The following NFU1 variants were observed in gnomAD, a reference collection of about 807,000 sequenced individuals.
The protein encoded by NFU1 is NFU1 iron-sulfur cluster scaffold.
In NFU1, 30 loss-of-function variants were observed where a neutral mutation model predicts 32.2. That is an observed-to-expected ratio of 0.93 (90% CI 0.70 to 1.26). NFU1 has a LOEUF of 1.26. NFU1 is among the 50% of genes most tolerant of loss of function. NFU1 has a pLI of 0.00. For synonymous variants in NFU1, 112 were observed against 104.6 expected, an observed-to-expected ratio of 1.07 and a Z score of -0.43; for missense variants, 306 against 306.6, an observed-to-expected ratio of 1.00 and a Z score of 0.02.
chr2:69,427,419 C>T lies in NFU1; in HGVS notation c.167-3702G>A, dbSNP rs759851786. On this transcript the variant is annotated intron_variant, in intron 2 of 7. Transcript: ENST00000410022. ...ATAGAAGGCCAGGCATGGTGGCTCACGCCTGTAATCTCAGCACTTTGGGAG... is the reference window on the plus strand; with the variant it reads ...ATAGAAGGCCAGGCATGGTGGCTCATGCCTGTAATCTCAGCACTTTGGGAG... Among the ~76,000 whole-genome samples, 5 of 151,546 alleles carry T rather than the reference C, an allele frequency of 3.3e-5. No individual in the cohort carries two copies. In the East Asian group the frequency reaches 5.8e-4, roughly 18 times the overall value.
At chr2:69,416,336 T>A (rs962079466) in intron 4 of NFU1, 1 of 146,448 alleles carries the variant, frequency 6.8e-6, no homozygotes, top group East Asian at 1.9e-4. Flanking sequence ...AATTAATATT[T>A]AATTAATTTA....
chr2:69,426,461 T>C (rs1419392088), intron 2 of NFU1, among the ~76,000 whole-genome samples: 1 of 151,880 alleles, frequency 6.6e-6, no homozygotes, highest in African/African-American at 2.4e-5. Flanking sequence ...AATTTTTGTA[T>C]TTTTAGTAGA....
Position 69,400,445 on chromosome 2 carries a change from G to A in NFU1, c.639C>T (p.Cys213=). The part of the protein sequence containing the change: ...QLKLQGSCTS[C]PSSIITLKNG... ...TTTTCAGAGTAATGATTGAACTAGG[G>A]CAGCTGGTACAAGAACCCTGGAGTT... Residue 213 remains cysteine (C), a synonymous_variant, in exon 7 of 8, where the codon TGC becomes TGT. Transcript: ENST00000410022. 1 of 1,613,976 alleles carries A rather than the reference G, an allele frequency of 6.2e-7. No individual in the cohort carries two copies. The highest frequency in any genetic ancestry group is 8.5e-7 in the Non-Finnish European group (1 of 1,179,910).
At chr2:69,413,824 G>A (rs190802754) in intron 5 of NFU1, among the ~76,000 whole-genome samples, 21 of 151,554 alleles carry the variant, frequency 1.4e-4, no homozygotes, top group Admixed American at 1.1e-3. Flanking sequence ...CGAGGCAGGC[G>A]AATCATGAGG....
chr2:69,414,694 G>A (rs746059811), intron 5 of NFU1, among the ~76,000 whole-genome samples: 3 of 148,598 alleles, frequency 2.0e-5, no homozygotes, highest in Non-Finnish European at 3.0e-5. Flanking sequence ...TCCCTGCAGA[G>A]ACTTACATGT....
At position 69,408,769 on chromosome 2, in the gene NFU1, T is replaced by TATATATAC. The variant is rs1219902624; in HGVS notation, c.485-2688_485-2687insGTATATAT. 7.5e-3 allele frequency among the ~76,000 whole-genome samples: 993 copies of TATATATAC among 133,278 alleles called. 7 individuals carry two copies. Among genetic ancestry groups the TATATATAC allele is most frequent in the Non-Finnish European group, 0.014 (847 of 62,120 alleles). 87.4% of individuals were successfully genotyped at this position (133,278 alleles called of 152,430 possible). On this transcript the variant is annotated intron_variant, in intron 5 of 7. Coordinates refer to ENST00000410022, the MANE Select transcript of NFU1 (RefSeq NM_001002755.4). ...ATATATATATATATATATATATATA[T>TATATATAC]ACACACACACATACATACATCAATG...
chr2:69,438,986 C>A (rs1673957262), upstream of NFU1, among the ~76,000 whole-genome samples: 3 of 150,690 alleles, frequency 2.0e-5, no homozygotes, highest in Admixed American at 2.0e-4. Context: ...TAAAATGTGG[C>A]TCTTCCACCT....
At chr2:69,435,294 C>T (rs1020810592) in intron 1 of NFU1, among the ~76,000 whole-genome samples, 3 of 152,186 alleles carry the variant, frequency 2.0e-5, no homozygotes, top group Non-Finnish European at 2.9e-5. Context: ...TCAGTTAGAA[C>T]GGTCTTTCAC....
intron 7 of NFU1, among the ~76,000 whole-genome samples, chr2:69,397,036 G>A (rs191649813): frequency 2.0e-5 from 3 of 150,540 alleles, no homozygotes; most frequent in Admixed American, 6.6e-5. Context: ...CCTGGTGATA[G>A]AGCACTCCAG....
intron 5 of NFU1, among the ~76,000 whole-genome samples, chr2:69,414,619 A>T (rs956666459): frequency 3.4e-4 from 7 of 20,480 alleles, no homozygotes; most frequent in African/African-American, 1.3e-3. Context: ...GTCTGTCTCT[A>T]AAAAAAAAAA....
Position 69,406,542 on chromosome 2 carries a change from T to G in NFU1, c.485-460A>C, listed in dbSNP as rs138834055. ...AAATGCCAGCCATACTAAATATAGA[T>G]GTAAGCCTTCTGGAAATTTCTGAAA... On this transcript the variant is annotated intron_variant, in intron 5 of 7. Transcript: ENST00000410022. Among the ~76,000 whole-genome samples, 1,371 of 152,294 alleles carry G rather than the reference T, an allele frequency of 9.0e-3. 9 individuals carry two copies. The highest frequency in any genetic ancestry group is 0.013 in the Non-Finnish European group (885 of 68,016).
chr2:69,434,258 C>T (rs966824515), intron 1 of NFU1, among the ~76,000 whole-genome samples: 5 of 151,972 alleles, frequency 3.3e-5, no homozygotes, highest in Non-Finnish European at 7.4e-5. Flanking sequence ...AATTCTCCGC[C>T]TCAGCCTCCC....
Position 69,421,889 on chromosome 2 carries a change from T to C in NFU1, c.302+1693A>G, listed in dbSNP as rs897855396. On this transcript the variant is annotated intron_variant, in intron 3 of 7. Coordinates refer to ENST00000410022, the MANE Select transcript of NFU1 (RefSeq NM_001002755.4). ...GTTCTTTATCATCTCTAACATACAG[T>C]AGTCCCCCCTTATCCTCAGGGGATC... is the stretch of plus-strand genomic sequence containing the variant. Among the ~76,000 whole-genome samples the C allele has an allele frequency of 4.6e-5, 7 of 152,046 alleles. No individual in the cohort carries two copies. The East Asian group carries it at 7.7e-4, about 17-fold the overall frequency.
At chr2:69,436,460 A>G (rs1673840221) in intron 1 of NFU1, among the ~76,000 whole-genome samples, 1 of 152,230 alleles carries the variant, frequency 6.6e-6, no homozygotes, top group Non-Finnish European at 1.5e-5. Flanking sequence ...GCCCAGGGAA[A>G]AGGCAGCAGA....
intron 2 of NFU1, among the ~76,000 whole-genome samples, chr2:69,424,198 A>AAAAAAAATATATATATATATATATAT (rs1558840147): frequency 1.3e-5 from 1 of 74,542 alleles, no homozygotes; most frequent in African/African-American, 5.3e-5. Context: ...AAAAAAAAAA[A>AAAAAAAATATATATATATATATATAT]ATATATATAT....
chr2:69,413,987 C>A (rs1417367060), intron 5 of NFU1, among the ~76,000 whole-genome samples: 1 of 151,724 alleles, frequency 6.6e-6, no homozygotes, highest in Non-Finnish European at 1.5e-5. Context: ...GCAGAGGCTG[C>A]AGTGAGCCGA....
intron 5 of NFU1, among the ~76,000 whole-genome samples, chr2:69,408,586 G>T (rs1224725232): frequency 4.6e-5 from 7 of 151,778 alleles, no homozygotes; most frequent in Non-Finnish European, 4.4e-5. Flanking sequence ...CGGGAGTGGT[G>T]GTGGGTGTCT....
chr2:69,400,342 C>CT (rs757151350), intron 7 of NFU1, 22 bp downstream of exon 7: 8 of 1,602,990 alleles, frequency 5.0e-6, no homozygotes, highest in African/African-American at 1.3e-5. Context: ...AAAATCTAGA[C>CT]TGTCATATAA....
chr2:69,437,621 C>T (rs568524887), upstream of NFU1: 78 of 684,492 alleles, frequency 1.1e-4, no homozygotes, highest in Admixed American at 2.5e-4. Context: ...GGCCGGGGAA[C>T]CTTTCCCGTT....
Sources: allele counts gnomAD v4.1 joint callset (sites outside exome capture counted in the v4.1 genomes callset), GRCh38; gene constraint gnomAD v4.1.1; transcripts MANE v1.5; gene names NCBI Gene and HGNC (gene_info 2026-07-23, HGNC 2026-07-21).